Variants in EYA2 observed in about 807,000 individuals in gnomAD.
The protein encoded by EYA2 is protein phosphatase EYA2.
A neutral mutation model predicts 69.2 loss-of-function variants in EYA2; 31 were observed. That is an observed-to-expected ratio of 0.45 (90% confidence interval 0.34 to 0.60). The LOEUF (loss-of-function observed/expected upper bound fraction) is 0.60, where lower values mean the gene tolerates loss of function less well. EYA2 is among the 20% of genes least tolerant of loss of function. The pLI is 0.02. For missense variants in EYA2, 622 were observed against 701.2 expected (o/e 0.89, Z 1.28); for synonymous variants, 257 against 279.4 (o/e 0.92, Z 0.80).
intron 1 of EYA2, among the ~76,000 whole-genome samples, chr20:46,941,627 C>T (rs926382833): frequency 6.6e-6 from 1 of 152,298 alleles, no homozygotes; most frequent in East Asian, 1.9e-4. Context: ...CTCTCTGTGC[C>T]TCAGTTTCCT....
intron 5 of EYA2, among the ~76,000 whole-genome samples, chr20:47,024,111 T>C (rs1221945117): frequency 6.6e-6 from 1 of 152,242 alleles, no homozygotes; most frequent in East Asian, 1.9e-4. Context: ...AAAATCATAT[T>C]TTTCTGCTTC....
At chr20:47,068,623 TTC>T (rs1416435378) in intron 5 of EYA2, among the ~76,000 whole-genome samples, 1 of 152,144 alleles carries the variant, frequency 6.6e-6, no homozygotes, top group Non-Finnish European at 1.5e-5. Flanking sequence ...TGCTTTTTTG[TTC>T]TGTTTTGTTT....
At position 47,106,085 on chromosome 20, in the gene EYA2, TG is replaced by T. The variant is rs1214046848; in HGVS notation, c.888+8918del. Among the ~76,000 whole-genome samples, 5 of 152,198 alleles carry T rather than the reference TG, an allele frequency of 3.3e-5. No homozygotes were observed. The East Asian group carries it at 9.6e-4, about 29-fold the overall frequency. On this transcript the variant is annotated intron_variant, in intron 9 of 15. Coordinates refer to ENST00000327619, the MANE Select transcript of EYA2 (RefSeq NM_005244.5). Reference sequence around the variant, plus strand: ...GGCTTTAATATATAGTCATCTTTTGTGTTTTGTTTTTTGTTTTTGTTTTTGT... The same window carrying T: ...GGCTTTAATATATAGTCATCTTTTGTTTTTGTTTTTTGTTTTTGTTTTTGT...
chr20:46,917,527 A>T (rs1428671524), intron 1 of EYA2, among the ~76,000 whole-genome samples: 3 of 152,222 alleles, frequency 2.0e-5, no homozygotes, highest in Non-Finnish European at 4.4e-5. Flanking sequence ...GAGGAAAGCG[A>T]AGTGGATGTG....
At chr20:46,987,916 G>GACTCACTCTC (rs56288405) in intron 1 of EYA2, among the ~76,000 whole-genome samples, 10 of 20,348 alleles carry the variant, frequency 4.9e-4, no homozygotes, top group African/African-American at 1.3e-3. Flanking sequence ...GACAGAGTAA[G>GACTCACTCTC]TCTCTCTCTC....
intron 7 of EYA2, among the ~76,000 whole-genome samples, chr20:47,078,765 A>AT (rs1451060895): frequency 1.3e-5 from 2 of 152,224 alleles, no homozygotes; most frequent in African/African-American, 2.4e-5. Flanking sequence ...AAGTTGAAGG[A>AT]TTTTTTAACT....
chr20:46,945,401 A>G (rs1978398196), intron 1 of EYA2, among the ~76,000 whole-genome samples: 1 of 152,160 alleles, frequency 6.6e-6, no homozygotes, highest in Non-Finnish European at 1.5e-5. Context: ...CAGCTCTAAA[A>G]CATCTCAGGA....
intron 1 of EYA2, among the ~76,000 whole-genome samples, chr20:46,950,331 A>G (rs1978720760): frequency 6.6e-6 from 1 of 152,202 alleles, no homozygotes; most frequent in Non-Finnish European, 1.5e-5. Context: ...CCATAAAATA[A>G]TCTAAGGAGT....
At chr20:46,963,604 A>G (rs1979608752) in intron 1 of EYA2, among the ~76,000 whole-genome samples, 1 of 152,252 alleles carries the variant, frequency 6.6e-6, no homozygotes, top group African/African-American at 2.4e-5. Flanking sequence ...TTTAATGACA[A>G]TGTCCAGGCC....
chr20:47,160,033 G>A (rs1202991975), intron 10 of EYA2, among the ~76,000 whole-genome samples: 2 of 152,196 alleles, frequency 1.3e-5, no homozygotes, highest in South Asian at 2.1e-4. Context: ...CATGGAGCCA[G>A]GTTCCACTGT....
intron 7 of EYA2, among the ~76,000 whole-genome samples, chr20:47,088,382 A>G (rs1366412427): frequency 6.6e-6 from 1 of 152,230 alleles, no homozygotes; most frequent in Non-Finnish European, 1.5e-5. Context: ...ATGCTCAGCT[A>G]CAGATAAATA....
At chr20:47,043,845 A>G (rs1259919158) in intron 5 of EYA2, among the ~76,000 whole-genome samples, 1 of 152,186 alleles carries the variant, frequency 6.6e-6, no homozygotes, top group African/African-American at 2.4e-5. Flanking sequence ...CACCTTCCCA[A>G]TCAATGTTGA....
At chr20:46,930,488 T>C (rs2146250163) in intron 1 of EYA2, among the ~76,000 whole-genome samples, 1 of 152,224 alleles carries the variant, frequency 6.6e-6, no homozygotes, top group East Asian at 1.9e-4. Context: ...CGAAGCTCAG[T>C]TGTCCTCTGC....
chr20:46,999,478 C>T lies in EYA2; in HGVS notation c.110-1950C>T, dbSNP rs190622415. Among the ~76,000 whole-genome samples, 74 of 152,272 alleles carry T rather than the reference C, an allele frequency of 4.9e-4. 1 individual carries two copies. Among genetic ancestry groups the T allele is most frequent in the African/African-American group, 1.7e-3 (70 of 41,550 alleles). On this transcript the variant is annotated intron_variant, in intron 2 of 15. Transcript: ENST00000327619. ...TTTTCTTTGAATGTGATACATGATGCGAAATATATTTCTGCATTGTTGAAT... is the reference window on the plus strand; with the variant it reads ...TTTTCTTTGAATGTGATACATGATGTGAAATATATTTCTGCATTGTTGAAT...
intron 14 of EYA2, among the ~76,000 whole-genome samples, chr20:47,181,995 G>T (rs973312609): frequency 6.6e-6 from 1 of 151,804 alleles, no homozygotes; most frequent in African/African-American, 2.4e-5. Context: ...ATTAAATAAT[G>T]TAAAATTTTC....
intron 14 of EYA2, among the ~76,000 whole-genome samples, chr20:47,181,722 A>T (rs200574839): frequency 5.9e-5 from 2 of 33,770 alleles, no homozygotes; most frequent in Non-Finnish European, 1.0e-4. Context: ...AGCAAAAAAT[A>T]AAAAAAATAA....
intron 4 of EYA2, among the ~76,000 whole-genome samples, chr20:47,010,206 T>C (rs1041777109): frequency 6.6e-6 from 1 of 152,230 alleles, no homozygotes; most frequent in Non-Finnish European, 1.5e-5. Context: ...ATTTTCATTG[T>C]CTCTGGCTTT....
chr20:46,978,350 T>C (rs1395572436), intron 1 of EYA2: 1 of 343,626 alleles, frequency 2.9e-6, no homozygotes, highest in Non-Finnish European at 5.8e-6. Flanking sequence ...TAGAGGGCCA[T>C]GGGCCTGTGA....
At chr20:47,027,370 T>C (rs1224680257) in intron 5 of EYA2, among the ~76,000 whole-genome samples, 1 of 152,180 alleles carries the variant, frequency 6.6e-6, no homozygotes, top group East Asian at 1.9e-4. Flanking sequence ...AGTTCCCTAA[T>C]GTGAATCAGC....
Sources: gnomAD v4.1 joint callset for allele counts (sites outside exome capture counted in the v4.1 genomes callset) on GRCh38, gnomAD v4.1.1 for gene constraint, MANE v1.5 for transcripts, NCBI Gene and HGNC (gene_info 2026-07-23, HGNC 2026-07-21) for gene names.